Variants in STPG2 observed in about 807,000 individuals in gnomAD.
STPG2 encodes sperm tail PG-rich repeat containing 2.
STPG2 carries 56 observed loss-of-function variants against 54.2 expected under a neutral mutation model. The ratio of observed to expected loss-of-function variants is 1.03; its 90% CI spans 0.83 to 1.29. The LOEUF is 1.29. Ranked by LOEUF, STPG2 falls within the 50% of genes most tolerant of loss-of-function variation. The pLI is 0.00. For missense variants in STPG2, 596 were observed against 544.9 expected, an observed-to-expected ratio of 1.09 and a Z score of -0.93; for synonymous variants, 200 against 181.8, an observed-to-expected ratio of 1.10 and a Z score of -0.81.
At chr4:97,812,783 G>A (rs1727781396) in intron 9 of STPG2, among the ~76,000 whole-genome samples, 1 of 152,004 alleles carries the variant, frequency 6.6e-6, no homozygotes, top group South Asian at 2.1e-4. Context: ...TGTATTTAAT[G>A]ATTCCCTACT....
chr4:97,543,128 A>T (rs1578376467), intron 4 of STPG2, among the ~76,000 whole-genome samples: 1 of 151,204 alleles, frequency 6.6e-6, no homozygotes, highest in Non-Finnish European at 1.5e-5. Context: ...TGTAATAAAA[A>T]ATATATATAT....
chr4:97,479,498 T>C (rs976504008), intron 4 of STPG2, among the ~76,000 whole-genome samples: 3 of 151,904 alleles, frequency 2.0e-5, no homozygotes, highest in Non-Finnish European at 4.4e-5. Context: ...TAAAGATAAA[T>C]AATTTAGTGG....
In STPG2 at chr4:97,886,662, C is replaced by G. The variant is rs78209657; in HGVS notation, c.1045-45730G>C. Among the ~76,000 whole-genome samples the G allele has an allele frequency of 8.0e-3, 1,213 of 152,288 alleles. 14 individuals are homozygous for G. Among genetic ancestry groups the G allele is most frequent in the African/African-American group, 0.028 (1,153 of 41,572 alleles). ...CTACTCTTCACGTCAAACTATTAAA[C>G]AAGTACTATCAATCTGCTTTTTAGG... On this transcript the variant is annotated intron_variant, in intron 8 of 10. Coordinates refer to ENST00000295268, the MANE Select transcript of STPG2 (RefSeq NM_174952.3).
chr4:97,618,875 A>C (rs570789871), intron 10 of STPG2, among the ~76,000 whole-genome samples: 1 of 152,322 alleles, frequency 6.6e-6, no homozygotes, highest in East Asian at 1.9e-4. Context: ...GACATTCATC[A>C]ACAGAGTGGT....
At chr4:97,651,150 C>A (rs1392234018) in intron 10 of STPG2, among the ~76,000 whole-genome samples, 1 of 152,100 alleles carries the variant, frequency 6.6e-6, no homozygotes, top group African/African-American at 2.4e-5. Context: ...GCCTTAAAAT[C>A]ATTTCAATTT....
intron 5 of STPG2, among the ~76,000 whole-genome samples, chr4:98,093,588 A>G (rs574599389): frequency 2.6e-5 from 4 of 152,254 alleles, no homozygotes; most frequent in African/African-American, 9.6e-5. Flanking sequence ...AAATACCAAA[A>G]CCCAGGTGGC....
intron 8 of STPG2, among the ~76,000 whole-genome samples, chr4:97,887,468 A>C (rs1730620787): frequency 6.6e-6 from 1 of 152,186 alleles, no homozygotes; most frequent in Admixed American, 6.5e-5. Flanking sequence ...GGATCTATAG[A>C]AGTTTGAACA....
At chr4:97,898,333 A>G (rs1731040797) in intron 8 of STPG2, among the ~76,000 whole-genome samples, 1 of 151,020 alleles carries the variant, frequency 6.6e-6, no homozygotes, top group African/African-American at 2.4e-5. Flanking sequence ...TTACTCTTAT[A>G]AATTTTAAAA....
intron 9 of STPG2, among the ~76,000 whole-genome samples, chr4:97,740,768 G>A (rs764070943): frequency 2.7e-4 from 41 of 152,242 alleles, no homozygotes; most frequent in Non-Finnish European, 5.3e-4. Flanking sequence ...AATCAATATC[G>A]TGAAAATGGC....
chr4:97,572,210 T>TC (rs1482410746), intron 10 of STPG2, among the ~76,000 whole-genome samples: 1 of 152,130 alleles, frequency 6.6e-6, no homozygotes, highest in Admixed American at 6.6e-5. Context: ...GACCATGGAG[T>TC]GAAATGGCAG....
At chr4:97,820,004 C>T (rs1187101509) in intron 9 of STPG2, among the ~76,000 whole-genome samples, 5 of 151,702 alleles carry the variant, frequency 3.3e-5, no homozygotes, top group Non-Finnish European at 5.9e-5. Context: ...TTTGTGGCAA[C>T]CCTGCATTAG....
intron 5 of STPG2, among the ~76,000 whole-genome samples, chr4:98,055,419 C>G (rs1430147224): frequency 6.6e-6 from 1 of 151,952 alleles, no homozygotes. Context: ...CTGGGCTGAA[C>G]GGAGAGAAAG....
chr4:97,778,328 C>T (rs915221150), intron 9 of STPG2, among the ~76,000 whole-genome samples: 35 of 152,136 alleles, frequency 2.3e-4, no homozygotes, highest in Admixed American at 1.2e-3. Context: ...CACGGAGCCT[C>T]GCTCATTCCT....
intron 10 of STPG2, among the ~76,000 whole-genome samples, chr4:97,698,580 C>T (rs959025698): frequency 6.6e-6 from 1 of 152,120 alleles, no homozygotes; most frequent in Non-Finnish European, 1.5e-5. Context: ...CAGGAAGCAA[C>T]AATGTTGCTA....
At chr4:97,854,295 G>A (rs1210740289) in intron 8 of STPG2, among the ~76,000 whole-genome samples, 3 of 151,694 alleles carry the variant, frequency 2.0e-5, no homozygotes, top group African/African-American at 7.3e-5. Context: ...ATATAACCAT[G>A]GTCAAATTAT....
At chr4:97,914,525 CCA>C (rs1273530983) in intron 8 of STPG2, among the ~76,000 whole-genome samples, 2 of 152,036 alleles carry the variant, frequency 1.3e-5, no homozygotes, top group Non-Finnish European at 2.9e-5. Context: ...ACCATAACCA[CCA>C]CACACCTCCA....
chr4:97,838,594 A>C (rs1162494293), intron 9 of STPG2, among the ~76,000 whole-genome samples: 1 of 151,480 alleles, frequency 6.6e-6, no homozygotes, highest in African/African-American at 2.4e-5. Context: ...TATCGCACTT[A>C]AATCTTGTCC....
At chr4:97,565,880 A>T (rs1382056822) in intron 10 of STPG2, among the ~76,000 whole-genome samples, 1 of 152,176 alleles carries the variant, frequency 6.6e-6, no homozygotes, top group Admixed American at 6.5e-5. Flanking sequence ...CTCAGAGGTC[A>T]GGGATCAGGG....
chr4:98,077,182 A>T (rs1738192991), intron 5 of STPG2, among the ~76,000 whole-genome samples: 1 of 152,158 alleles, frequency 6.6e-6, no homozygotes, highest in Non-Finnish European at 1.5e-5. Flanking sequence ...AATAAGAAAC[A>T]CTAGATGTAA....
Sources: gnomAD v4.1 joint callset for allele counts (sites outside exome capture counted in the v4.1 genomes callset) on GRCh38, gnomAD v4.1.1 for gene constraint, MANE v1.5 for transcripts, NCBI Gene and HGNC (gene_info 2026-07-23, HGNC 2026-07-21) for gene names.